DPP10: variants seen among roughly 807,000 people sequenced by gnomAD.
DPP10 encodes dipeptidyl peptidase like 10, also known as inactive dipeptidyl peptidase 10.
DPP10 carries 33 observed loss-of-function variants against 120.9 expected under a neutral mutation model. The ratio of observed to expected loss-of-function variants is 0.27; its 90% CI spans 0.21 to 0.37. DPP10 has a LOEUF of 0.37. DPP10 is among the 10% of genes least tolerant of loss of function. DPP10 has a pLI of 1.00. For missense variants in DPP10, 816 were observed against 942.8 expected (o/e 0.87, Z 1.76); for synonymous variants, 337 against 326.1 (o/e 1.03, Z -0.36).
At chr2:115,836,093 G>A (rs1575948307) in intron 21 of DPP10, 64 bp from the exon 22 acceptor site, 1 of 761,314 alleles carries the variant, frequency 1.3e-6, no homozygotes, top group Non-Finnish European at 1.7e-6. Flanking sequence ...AAATTTGTGT[G>A]TGTGTATGTG....
At chr2:115,594,999 C>T (rs2082901644) in intron 5 of DPP10, among the ~76,000 whole-genome samples, 1 of 152,034 alleles carries the variant, frequency 6.6e-6, no homozygotes, top group African/African-American at 2.4e-5. Context: ...ATGATTTTAA[C>T]ATACCAAATA....
intron 1 of DPP10, among the ~76,000 whole-genome samples, chr2:115,123,320 G>C (rs2049916744): frequency 6.6e-6 from 1 of 152,200 alleles, no homozygotes; most frequent in Non-Finnish European, 1.5e-5. Context: ...CCCTTGATTT[G>C]AGGTTTCAAA....
chr2:115,569,594 C>T (rs1047408481), intron 5 of DPP10, among the ~76,000 whole-genome samples: 1 of 152,156 alleles, frequency 6.6e-6, no homozygotes, highest in African/African-American at 2.4e-5. Context: ...TATTTTTGGT[C>T]TATTTGATGC....
intron 1 of DPP10, among the ~76,000 whole-genome samples, chr2:114,838,143 C>G (rs1267161278): frequency 6.6e-6 from 1 of 152,082 alleles, no homozygotes; most frequent in Admixed American, 6.6e-5. Context: ...TGGTCTGTGG[C>G]CATATCACCT....
intron 1 of DPP10, among the ~76,000 whole-genome samples, chr2:114,915,772 TAAG>T (rs1694756844): frequency 6.6e-6 from 1 of 152,154 alleles, no homozygotes; most frequent in African/African-American, 2.4e-5. Context: ...AAGCAGGAAT[TAAG>T]AAATTATTTG....
intron 5 of DPP10, among the ~76,000 whole-genome samples, chr2:115,676,498 TGTA>T (rs2090272173): frequency 6.6e-6 from 1 of 152,086 alleles, no homozygotes; most frequent in Non-Finnish European, 1.5e-5. Flanking sequence ...AAAAGATAGC[TGTA>T]TTAAAAAAGA....
chr2:114,952,944 A>G (rs1697905391), intron 1 of DPP10, among the ~76,000 whole-genome samples: 1 of 152,222 alleles, frequency 6.6e-6, no homozygotes, highest in Admixed American at 6.5e-5. Context: ...AAATGAAACA[A>G]AAACTGCAAG....
intron 1 of DPP10, among the ~76,000 whole-genome samples, chr2:114,566,141 G>A (rs566743820): frequency 2.6e-5 from 4 of 152,216 alleles, no homozygotes; most frequent in East Asian, 3.9e-4. Flanking sequence ...TATCAGAAGC[G>A]TTTTTTCCTT....
At chr2:114,459,916 C>T (rs751783553) in intron 1 of DPP10, among the ~76,000 whole-genome samples, 28 of 152,050 alleles carry the variant, frequency 1.8e-4, no homozygotes, top group Non-Finnish European at 2.9e-4. Flanking sequence ...TGCTATGGTC[C>T]GTGTGGTGAC....
chr2:115,310,344 T>C (rs1198419257), intron 2 of DPP10, among the ~76,000 whole-genome samples: 1 of 152,222 alleles, frequency 6.6e-6, no homozygotes, highest in Non-Finnish European at 1.5e-5. Flanking sequence ...TAACAATAAC[T>C]GTTTTTCAGA....
At chr2:114,552,199 C>T (rs999007057) in intron 1 of DPP10, among the ~76,000 whole-genome samples, 13 of 152,164 alleles carry the variant, frequency 8.5e-5, no homozygotes, top group African/African-American at 3.1e-4. Context: ...GTTTTGTTGC[C>T]AGTGCAGTAG....
chr2:114,977,169 A>G (rs1475164058), intron 1 of DPP10, among the ~76,000 whole-genome samples: 1 of 152,090 alleles, frequency 6.6e-6, no homozygotes, highest in African/African-American at 2.4e-5. Flanking sequence ...GTTTATATTA[A>G]ATATGTTTAC....
At chr2:114,735,436 A>G (rs1187296978) in intron 1 of DPP10, among the ~76,000 whole-genome samples, 2 of 152,200 alleles carry the variant, frequency 1.3e-5, no homozygotes. Context: ...TCAAGACTCT[A>G]GAAAATGTAA....
At chr2:115,554,042 C>CACACACA (rs1401904913) in intron 5 of DPP10, among the ~76,000 whole-genome samples, 1 of 132,108 alleles carries the variant, frequency 7.6e-6, no homozygotes, top group African/African-American at 2.8e-5. Context: ...CACACACACA[C>CACACACA]CAAATTAACA....
At chr2:115,313,032 G>C (rs2061646835) in intron 2 of DPP10, among the ~76,000 whole-genome samples, 1 of 152,028 alleles carries the variant, frequency 6.6e-6, no homozygotes, top group Non-Finnish European at 1.5e-5. Context: ...GACCATCCTG[G>C]CCAACATGGT....
intron 5 of DPP10, among the ~76,000 whole-genome samples, chr2:115,601,010 C>G (rs191638161): frequency 6.6e-6 from 1 of 152,110 alleles, no homozygotes; most frequent in Admixed American, 6.5e-5. Context: ...TAATAAAAAG[C>G]TTTCCTTCAT....
intron 1 of DPP10, among the ~76,000 whole-genome samples, chr2:114,696,454 C>T (rs552859443): frequency 1.4e-4 from 21 of 152,068 alleles, no homozygotes; most frequent in Non-Finnish European, 1.9e-4. Flanking sequence ...ACCTTCCATC[C>T]GTAAAGACAA....
intron 1 of DPP10, among the ~76,000 whole-genome samples, chr2:114,735,885 C>G (rs1203016331): frequency 6.6e-6 from 1 of 151,970 alleles, no homozygotes; most frequent in Non-Finnish European, 1.5e-5. Context: ...CTCACTTCAA[C>G]CCTCCCCCTA....
intron 1 of DPP10, among the ~76,000 whole-genome samples, chr2:115,011,264 G>A (rs1194121923): frequency 6.6e-6 from 1 of 152,148 alleles, no homozygotes; most frequent in Non-Finnish European, 1.5e-5. Context: ...GTTGTACAGT[G>A]GGGTGTTCCA....
Sources: allele counts gnomAD v4.1 joint callset (sites outside exome capture counted in the v4.1 genomes callset), GRCh38; gene constraint gnomAD v4.1.1; transcripts MANE v1.5; gene names NCBI Gene and HGNC (gene_info 2026-07-23, HGNC 2026-07-21).